Variants in MSN observed in about 807,000 individuals in gnomAD.
MSN encodes epididymis luminal protein 70.
Under a neutral mutation model 48.0 loss-of-function variants are expected in MSN, and 2 were observed. That is an observed-to-expected ratio of 0.04 (90% CI 0.02 to 0.13). The LOEUF (loss-of-function observed/expected upper bound fraction) is 0.13. MSN is among the 10% of genes least tolerant of loss of function. The pLI, the probability that MSN is intolerant of heterozygous loss-of-function variation, is 1.00. For missense variants in MSN, 267 were observed against 470.1 expected, an observed-to-expected ratio of 0.57 and a Z score of 3.99; for synonymous variants, 146 against 166.9, an observed-to-expected ratio of 0.87 and a Z score of 0.97.
chrX:65,639,712 G>C (rs1207616938), intron 1 of MSN, among the ~76,000 whole-genome samples: 2 of 111,514 alleles, frequency 1.8e-5, no homozygotes, highest in African/African-American at 6.5e-5. Flanking sequence ...GGGATTCTTG[G>C]CTACCTCAAC....
At chrX:65,715,540 G>A (rs772343146) in intron 1 of MSN, among the ~76,000 whole-genome samples, 7 of 111,274 alleles carry the variant, frequency 6.3e-5, no homozygotes, top group African/African-American at 2.0e-4. Context: ...GAGATCTTTC[G>A]CTTCCCTAGT....
chrX:65,693,609 A>G (rs2071197956), intron 1 of MSN, among the ~76,000 whole-genome samples: 1 of 112,077 alleles, frequency 8.9e-6, no homozygotes, highest in African/African-American at 3.2e-5. Flanking sequence ...TCTCATCAAC[A>G]TTGCTCAAGT....
intron 1 of MSN, among the ~76,000 whole-genome samples, chrX:65,637,426 GAAAGA>G (rs1177758679): frequency 9.8e-4 from 104 of 106,228 alleles, no homozygotes; most frequent in African/African-American, 3.5e-3. Context: ...AAAAAGAAAA[GAAAGA>G]AAAGAAAAGT....
chrX:65,683,103 G>A (rs1257895383), intron 1 of MSN, among the ~76,000 whole-genome samples: 2 of 112,735 alleles, frequency 1.8e-5, no homozygotes, highest in Admixed American at 1.9e-4. Context: ...CCACCTTTGT[G>A]AAGTAGCCCA....
intron 1 of MSN, among the ~76,000 whole-genome samples, chrX:65,593,749 C>T (rs893533619): frequency 8.9e-6 from 1 of 111,901 alleles, no homozygotes; most frequent in African/African-American, 3.3e-5. Context: ...CACCATGTTG[C>T]GCAGGCTGGT....
intron 1 of MSN, among the ~76,000 whole-genome samples, chrX:65,677,366 AGACT>A (rs1490984854): frequency 8.9e-6 from 1 of 112,495 alleles, no homozygotes; most frequent in African/African-American, 3.2e-5. Flanking sequence ...TACTTGTGGG[AGACT>A]GACTAATTCC....
intron 1 of MSN, among the ~76,000 whole-genome samples, chrX:65,670,918 A>ATATATATT (rs1390246559): frequency 4.2e-5 from 2 of 47,434 alleles, no homozygotes; most frequent in African/African-American, 1.7e-4. Context: ...ATATATATAT[A>ATATATATT]TATATATATA....
intron 1 of MSN, among the ~76,000 whole-genome samples, chrX:65,692,447 T>G (rs768474068): frequency 8.9e-6 from 1 of 112,466 alleles, no homozygotes. Flanking sequence ...TGTGGGCCAG[T>G]TATCTTTGGC....
intron 1 of MSN, among the ~76,000 whole-genome samples, chrX:65,698,193 G>T (rs1457365793): frequency 9.0e-6 from 1 of 111,667 alleles, no homozygotes; most frequent in Non-Finnish European, 1.9e-5. Flanking sequence ...AAGAGCTCCT[G>T]TATTCTTGAT....
intron 1 of MSN, among the ~76,000 whole-genome samples, chrX:65,649,481 CAGG>C (rs1388722403): frequency 2.0e-5 from 2 of 100,773 alleles, no homozygotes; most frequent in Admixed American, 1.1e-4. Flanking sequence ...GAGGCTGAGG[CAGG>C]AGATTTGCTT....
chrX:65,630,444 G>T (rs1289186983), intron 1 of MSN, among the ~76,000 whole-genome samples: 2 of 110,324 alleles, frequency 1.8e-5, no homozygotes, highest in Non-Finnish European at 3.8e-5. Context: ...ATGCTAGCTG[G>T]GTATGGTGGT....
rs1602758896 is a variant in MSN, at chrX:65,658,448, A to C, written c.-21-58370A>C. Among the ~76,000 whole-genome samples the C allele has an allele frequency of 3.6e-5, 4 of 112,019 alleles. No individual in the cohort carries two copies. The East Asian group carries it at 1.1e-3, about 31-fold the overall frequency. ...TTAGTTAATTCTTCCTGCAAGAAAA[A>C]CCCAAGAGCAAATGTGCTGAGTGAA... On this transcript the variant is annotated intron_variant, in intron 1 of 3. Coordinates refer to the MSN transcript ENST00000609672.
rs1341841750 is a variant in MSN at position 65,716,654 on chromosome X, G to T, written c.13-164G>T. The T allele has an allele frequency of 8.6e-6, 4 of 465,334 alleles. No homozygotes were observed. The Admixed American group carries it at 8.9e-5, about 10-fold the overall frequency. 38.3% of individuals were successfully genotyped at this position (465,334 alleles called of 1,213,427 possible). ...TTCAATAAGCTGCTTGGGAGCAGGG[G>T]TTGTGTTTGGGTCAATATTCTCCCT... On this transcript the variant is annotated intron_variant, in intron 1 of 12. Transcript: ENST00000360270.
At chrX:65,667,982 G>A (rs910204281) in intron 1 of MSN, 129 bp downstream of exon 1, 3 of 752,400 alleles carry the variant, frequency 4.0e-6, no homozygotes, top group African/African-American at 2.1e-5. Context: ...CATAGCCAAG[G>A]GTAGGGAGGG....
intron 1 of MSN, among the ~76,000 whole-genome samples, chrX:65,649,996 ATTG>A (rs955976912): frequency 4.1e-5 from 4 of 98,476 alleles, no homozygotes; most frequent in Non-Finnish European, 6.1e-5. Flanking sequence ...AAACGTGCAC[ATTG>A]TTGTGTGGAT....
chrX:65,627,388 T>G (rs766874537), intron 1 of MSN, among the ~76,000 whole-genome samples: 1 of 109,556 alleles, frequency 9.1e-6, no homozygotes, highest in African/African-American at 3.4e-5. Flanking sequence ...CAATTCCACA[T>G]GGCTGGGGCA....
chrX:65,626,595 C>T (rs903075741), intron 1 of MSN, among the ~76,000 whole-genome samples: 2 of 110,759 alleles, frequency 1.8e-5, no homozygotes, highest in Admixed American at 9.7e-5. Context: ...TAGAGATTTC[C>T]TTGAATTCCA....
rs897095323 is a variant in MSN at position 65,654,711 on chromosome X, T to C, written c.-21-62107T>C. The stretch of plus-strand genomic sequence containing the variant: ...CTATATATACATAAAGGCATATACG[T>C]ATGAATAAAGCATATACACCACCAG... On this transcript the variant is annotated intron_variant, in intron 1 of 3. Coordinates refer to the MSN transcript ENST00000609672. 3.6e-5 allele frequency among the ~76,000 whole-genome samples: 4 copies of C among 111,738 alleles called. No individual in the cohort carries two copies. The East Asian group carries it at 8.4e-4, about 23-fold the overall frequency.
intron 1 of MSN, among the ~76,000 whole-genome samples, chrX:65,678,944 T>G (rs2071028827): frequency 9.0e-6 from 1 of 111,440 alleles, no homozygotes; most frequent in Non-Finnish European, 1.9e-5. Flanking sequence ...CAGAGCAGAG[T>G]GGTGACTTTT....
Sources: allele counts gnomAD v4.1 joint callset (sites outside exome capture counted in the v4.1 genomes callset), GRCh38; gene constraint gnomAD v4.1.1; transcripts MANE v1.5; gene names NCBI Gene and HGNC (gene_info 2026-07-23, HGNC 2026-07-21).